Variants in SPATA17 observed in about 807,000 individuals in gnomAD.
SPATA17 encodes spermatogenesis associated 17.
SPATA17 carries 53 observed loss-of-function variants against 62.2 expected under a neutral mutation model. The observed-to-expected ratio is 0.85, with a 90% CI of 0.68 to 1.07. The LOEUF is 1.07. SPATA17 is among the 50% of genes least tolerant of loss of function. The pLI is 0.00. For missense variants in SPATA17, 466 were observed against 425.5 expected (o/e 1.10, Z -0.84); for synonymous variants, 146 against 146.8 (o/e 0.99, Z 0.04).
intron 3 of SPATA17, among the ~76,000 whole-genome samples, chr1:217,656,078 T>G (rs1670436038): frequency 6.6e-6 from 1 of 152,054 alleles, no homozygotes; most frequent in African/African-American, 2.4e-5. Flanking sequence ...GAGATGGGGT[T>G]TCACCATGTT....
intron 5 of SPATA17, among the ~76,000 whole-genome samples, chr1:217,722,557 C>T (rs1023330262): frequency 3.3e-5 from 5 of 151,926 alleles, no homozygotes; most frequent in African/African-American, 1.2e-4. Context: ...TAGAGAATAA[C>T]CTTTAATATG....
chr1:217,826,413 A>C (rs1675003736), intron 9 of SPATA17, among the ~76,000 whole-genome samples: 1 of 152,162 alleles, frequency 6.6e-6, no homozygotes, highest in South Asian at 2.1e-4. Context: ...AGTCTGTAAC[A>C]GTTACTGTAA....
intron 5 of SPATA17, among the ~76,000 whole-genome samples, chr1:217,711,109 G>C (rs1671851927): frequency 6.6e-6 from 1 of 152,168 alleles, no homozygotes; most frequent in Non-Finnish European, 1.5e-5. Context: ...ATTATGAAAA[G>C]TGCTACCATG....
intron 2 of SPATA17, among the ~76,000 whole-genome samples, chr1:217,649,868 A>G (rs1360867534): frequency 6.6e-6 from 1 of 151,924 alleles, no homozygotes; most frequent in Non-Finnish European, 1.5e-5. Context: ...TCCTATATAA[A>G]ACTTCCTTAT....
chr1:217,646,250 TA>T (rs1394608903), intron 1 of SPATA17, among the ~76,000 whole-genome samples: 2 of 152,188 alleles, frequency 1.3e-5, no homozygotes. Flanking sequence ...TGAACATCCC[TA>T]AAGTTTTGTG....
chr1:217,822,908 A>G (rs1043588258), intron 9 of SPATA17, among the ~76,000 whole-genome samples: 1 of 151,568 alleles, frequency 6.6e-6, no homozygotes, highest in Non-Finnish European at 1.5e-5. Flanking sequence ...ATATGATGTT[A>G]TATATTCACT....
At chr1:217,649,934 CTTTTTTT>C (rs771612819) in intron 2 of SPATA17, among the ~76,000 whole-genome samples, 2 of 120,462 alleles carry the variant, frequency 1.7e-5, no homozygotes, top group Non-Finnish European at 3.4e-5. Flanking sequence ...AGGCTTCTCT[CTTTTTTT>C]TTTTTTTTTT....
rs1676059373 is a variant in SPATA17 at position 217,868,333 on chromosome 1, A to T, written c.*1314A>T. On this transcript the variant is annotated 3_prime_UTR_variant, in exon 11 of 11. Transcript: ENST00000366933. ...CAAAGAAGTGAGTTAAAATACATAT[A>T]CTCCTCCTCTTATAATCGGTTATGT... 6.6e-6 allele frequency: 1 copy of T among 151,954 alleles called. No individual in the cohort carries two copies. Among genetic ancestry groups the T allele is most frequent in the Non-Finnish European group, 1.5e-5 (1 of 67,998 alleles). 9.4% of individuals were successfully genotyped at this position (151,954 alleles called of 1,614,324 possible).
chr1:217,777,230 T>A (rs932579791), intron 7 of SPATA17, among the ~76,000 whole-genome samples: 2 of 152,192 alleles, frequency 1.3e-5, no homozygotes, highest in African/African-American at 2.4e-5. Flanking sequence ...TTTGTATCTT[T>A]TTTTTTACTC....
chr1:217,732,718 A>T (rs148908211), intron 5 of SPATA17, among the ~76,000 whole-genome samples: 132 of 152,292 alleles, frequency 8.7e-4, no homozygotes, highest in African/African-American at 2.9e-3. Context: ...CTTGTTAATA[A>T]TATCTGCCCC....
At chr1:217,642,634 C>T (rs548858479) in intron 1 of SPATA17, among the ~76,000 whole-genome samples, 43 of 152,216 alleles carry the variant, frequency 2.8e-4, no homozygotes, top group Non-Finnish European at 5.3e-4. Context: ...CGGTTTCCTC[C>T]GTGCTGTTCT....
At chr1:217,857,008 C>T (rs1256832704) in intron 9 of SPATA17, among the ~76,000 whole-genome samples, 1 of 152,110 alleles carries the variant, frequency 6.6e-6, no homozygotes, top group Non-Finnish European at 1.5e-5. Context: ...GAAGTTCTTG[C>T]CATGCTCCTT....
chr1:217,724,927 G>T (rs2102936992), intron 5 of SPATA17, among the ~76,000 whole-genome samples: 1 of 151,986 alleles, frequency 6.6e-6, no homozygotes. Flanking sequence ...ATCTTTCCTT[G>T]TTTGCATTTG....
intron 9 of SPATA17, chr1:217,850,427 C>A (rs1675622030): frequency 7.7e-7 from 1 of 1,298,570 alleles, no homozygotes; most frequent in East Asian, 2.4e-5. Flanking sequence ...AGACGCTGGA[C>A]CAGGTACAGG....
At chr1:217,659,971 G>T (rs1276669314) in intron 3 of SPATA17, among the ~76,000 whole-genome samples, 2 of 152,072 alleles carry the variant, frequency 1.3e-5, no homozygotes, top group Non-Finnish European at 2.9e-5. Flanking sequence ...GTCTTCCATG[G>T]TCTTACCATT....
intron 5 of SPATA17, among the ~76,000 whole-genome samples, chr1:217,713,661 T>C (rs1671930444): frequency 6.6e-6 from 1 of 152,180 alleles, no homozygotes; most frequent in South Asian, 2.1e-4. Flanking sequence ...ACATCTTTGA[T>C]CCCTCACCTA....
intron 6 of SPATA17, among the ~76,000 whole-genome samples, chr1:217,759,074 T>A (rs1183759989): frequency 6.6e-6 from 1 of 152,186 alleles, no homozygotes; most frequent in Non-Finnish European, 1.5e-5. Flanking sequence ...CTGGACCATG[T>A]GCCAAAGGCT....
At chr1:217,798,019 G>A (rs1380947523) in intron 8 of SPATA17, among the ~76,000 whole-genome samples, 4 of 152,136 alleles carry the variant, frequency 2.6e-5, no homozygotes, top group Admixed American at 2.6e-4. Flanking sequence ...GGCATGAGGA[G>A]GCTGCTCATA....
chr1:217,693,135 T>C (rs1057450764), intron 5 of SPATA17, among the ~76,000 whole-genome samples: 1 of 150,596 alleles, frequency 6.6e-6, no homozygotes, highest in African/African-American at 2.4e-5. Context: ...CTCTTTTTGG[T>C]TGGTAAACTG....
Sources: gnomAD v4.1 joint callset for allele counts (sites outside exome capture counted in the v4.1 genomes callset) on GRCh38, gnomAD v4.1.1 for gene constraint, MANE v1.5 for transcripts, NCBI Gene and HGNC (gene_info 2026-07-23, HGNC 2026-07-21) for gene names.